Variants in TLCD4 observed in about 807,000 individuals in gnomAD.
The protein encoded by TLCD4 is TLC domain-containing protein 4.
TLCD4 carries 7 observed loss-of-function variants against 24.2 expected under a neutral mutation model. The ratio of observed to expected loss-of-function variants is 0.29; its 90% CI spans 0.16 to 0.54. The LOEUF (loss-of-function observed/expected upper bound fraction) is 0.54, where lower values mean the gene tolerates loss of function less well. Among genes scored for constraint, TLCD4 ranks in the 20% least tolerant of loss-of-function variants. TLCD4 has a pLI of 0.95. For synonymous variants in TLCD4, 103 were observed against 106.4 expected (o/e 0.97, Z 0.20); for missense variants, 259 against 313.9 (o/e 0.82, Z 1.32).
Position 95,150,312 on chromosome 1 carries a change from A to G in TLCD4, c.304+46A>G, listed in dbSNP as rs539898975. On this transcript the variant is annotated intron_variant, in intron 4 of 6. Coordinates refer to ENST00000370203, the MANE Select transcript of TLCD4 (RefSeq NM_152487.3). ...TTGTCTAATTCCTTGTAAACTACTC[A>G]CGGAATTATACAAAGAATATATAGT... 2.5e-6 allele frequency: 4 copies of G among 1,596,566 alleles called. No homozygotes were observed. In the African/African-American group the frequency reaches 4.1e-5, roughly 16 times the overall value.
chr1:95,139,680 G>A (rs1233228526), intron 1 of TLCD4, among the ~76,000 whole-genome samples: 1 of 151,706 alleles, frequency 6.6e-6, no homozygotes, highest in East Asian at 1.9e-4. Flanking sequence ...GGCTGGTCTC[G>A]AACACTTGAC....
the TLCD4 span, among the ~76,000 whole-genome samples, chr1:95,107,438 A>C: frequency 4.3e-4 from 66 of 152,258 alleles, no homozygotes; most frequent in Middle Eastern, 3.4e-3. Flanking sequence ...AACAAACAAA[A>C]AAAATTTGCT....
At chr1:95,187,900 C>T (rs531309353) in intron 6 of TLCD4, among the ~76,000 whole-genome samples, 1 of 152,200 alleles carries the variant, frequency 6.6e-6, no homozygotes, top group Admixed American at 6.5e-5. Context: ...CAGGAGGCAA[C>T]TTCTCTCTGT....
intron 1 of TLCD4, among the ~76,000 whole-genome samples, chr1:95,129,212 C>G (rs1676823151): frequency 6.6e-6 from 1 of 152,156 alleles, no homozygotes; most frequent in East Asian, 1.9e-4. Flanking sequence ...AAGGAGGTGT[C>G]AGTTGCCAGG....
intron 1 of TLCD4, among the ~76,000 whole-genome samples, chr1:95,139,019 C>A (rs1397740090): frequency 1.7e-5 from 2 of 119,770 alleles, no homozygotes; most frequent in Non-Finnish European, 3.3e-5. Flanking sequence ...GAGACCCAGT[C>A]TCTACAAAAA....
chr1:95,124,328 A>G (rs1014693305), intron 1 of TLCD4, among the ~76,000 whole-genome samples: 3 of 152,236 alleles, frequency 2.0e-5, no homozygotes, highest in African/African-American at 4.8e-5. Flanking sequence ...CAAATGATCT[A>G]TAACAAGCTT....
chr1:95,172,101 T>C (rs908314690), intron 5 of TLCD4, among the ~76,000 whole-genome samples: 5 of 152,222 alleles, frequency 3.3e-5, no homozygotes, highest in African/African-American at 1.2e-4. Context: ...CTCATGACCC[T>C]GTTAAACCCT....
At chr1:95,126,085 A>G (rs1676725854) in intron 1 of TLCD4, among the ~76,000 whole-genome samples, 1 of 151,044 alleles carries the variant, frequency 6.6e-6, no homozygotes, top group Non-Finnish European at 1.5e-5. Context: ...TGTGTTCAGT[A>G]GTTTGAGACC....
At chr1:95,107,859 A>G in the TLCD4 span, among the ~76,000 whole-genome samples, 1 of 152,172 alleles carries the variant, frequency 6.6e-6, no homozygotes, top group African/African-American at 2.4e-5. Flanking sequence ...AAAAAAAGAT[A>G]TAGCTTTGTA....
intron 5 of TLCD4, among the ~76,000 whole-genome samples, chr1:95,167,568 T>C (rs1678063487): frequency 6.6e-6 from 1 of 152,070 alleles, no homozygotes; most frequent in African/African-American, 2.4e-5. Context: ...CACCAAGCTC[T>C]GTGCCAAAGG....
the TLCD4 span, among the ~76,000 whole-genome samples, chr1:95,111,627 G>A: frequency 6.6e-6 from 1 of 152,202 alleles, no homozygotes; most frequent in Non-Finnish European, 1.5e-5. Context: ...GTGATAACTG[G>A]CTTGGCAAAA....
chr1:95,136,046 T>A (rs1044476139), intron 1 of TLCD4, among the ~76,000 whole-genome samples: 1 of 152,010 alleles, frequency 6.6e-6, no homozygotes, highest in East Asian at 1.9e-4. Flanking sequence ...CAAGTTTTTT[T>A]TTTTTATTTT....
At chr1:95,155,973 A>C (rs1677622020) in intron 5 of TLCD4, among the ~76,000 whole-genome samples, 1 of 152,022 alleles carries the variant, frequency 6.6e-6, no homozygotes, top group Non-Finnish European at 1.5e-5. Context: ...TAATTTAAGG[A>C]ATGGAAAGAT....
Position 95,157,846 on chromosome 1 carries a change from T to C in TLCD4, c.399+6427T>C, listed in dbSNP as rs150334979. 1.2e-4 allele frequency among the ~76,000 whole-genome samples: 19 copies of C among 152,312 alleles called. 1 individual carries two copies. The East Asian group carries it at 3.1e-3, about 25-fold the overall frequency. On this transcript the variant is annotated intron_variant, in intron 5 of 6. Coordinates refer to ENST00000370203, the MANE Select transcript of TLCD4 (RefSeq NM_152487.3). ...AGACTTACTACATAGGTAATTCCAGTATATTCTATTTATCAAGTGAGTTGC... is the reference window on the plus strand; with the variant it reads ...AGACTTACTACATAGGTAATTCCAGCATATTCTATTTATCAAGTGAGTTGC...
At chr1:95,110,680 G>A in the TLCD4 span, among the ~76,000 whole-genome samples, 2 of 151,892 alleles carry the variant, frequency 1.3e-5, no homozygotes, top group African/African-American at 4.8e-5. Context: ...CTTGAGTCCA[G>A]GAGTTCAAGA....
At chr1:95,166,573 A>C (rs1156494580) in intron 5 of TLCD4, among the ~76,000 whole-genome samples, 4 of 152,172 alleles carry the variant, frequency 2.6e-5, no homozygotes, top group Non-Finnish European at 5.9e-5. Context: ...CCTGACTGTA[A>C]TGATCTGTCT....
Position 95,185,262 on chromosome 1 carries a change from T to C in TLCD4, c.474-6288T>C, listed in dbSNP as rs61773119. ...CACGTTGGTAAAAGAAGAATCAATT[T>C]ATAGAAGGGGAACTTGGTAGAACAA... On this transcript the variant is annotated intron_variant, in intron 6 of 6. Coordinates refer to ENST00000370203, the MANE Select transcript of TLCD4 (RefSeq NM_152487.3). Among the ~76,000 whole-genome samples, 605 of 152,240 alleles carry C rather than the reference T, an allele frequency of 4.0e-3. 4 individuals carry two copies. Among genetic ancestry groups the C allele is most frequent in the Middle Eastern group, 6.8e-3 (2 of 294 alleles).
intron 1 of TLCD4, among the ~76,000 whole-genome samples, chr1:95,132,445 A>C (rs1465893627): frequency 8.6e-6 from 1 of 116,216 alleles, no homozygotes; most frequent in African/African-American, 3.4e-5. Context: ...TGACTGAGTG[A>C]GACTCCAACT....
At chr1:95,127,157 A>G (rs1460966676) in intron 1 of TLCD4, among the ~76,000 whole-genome samples, 2 of 152,350 alleles carry the variant, frequency 1.3e-5, no homozygotes, top group Non-Finnish European at 2.9e-5. Flanking sequence ...TATTGGAACT[A>G]GGCTTTGACT....
Sources: gnomAD v4.1 joint callset for allele counts (sites outside exome capture counted in the v4.1 genomes callset) on GRCh38, gnomAD v4.1.1 for gene constraint, MANE v1.5 for transcripts, NCBI Gene and HGNC (gene_info 2026-07-23, HGNC 2026-07-21) for gene names.